The following PRKN variants were observed in gnomAD, a reference collection of about 807,000 sequenced individuals.
PRKN encodes parkin RBR E3 ubiquitin protein ligase.
Under a neutral mutation model 59.5 loss-of-function variants are expected in PRKN, and 56 were observed. The observed-to-expected ratio is 0.94, with a 90% CI of 0.76 to 1.18. PRKN has a LOEUF of 1.18. Ranked by LOEUF, PRKN falls within the 50% of genes most tolerant of loss-of-function variation. The pLI is 0.00. For missense variants in PRKN, 657 were observed against 596.4 expected (o/e 1.10, Z -1.06); for synonymous variants, 250 against 222.1 (o/e 1.13, Z -1.12).
At chr6:161,652,660 T>C (rs1269140200) in intron 7 of PRKN, among the ~76,000 whole-genome samples, 2 of 152,182 alleles carry the variant, frequency 1.3e-5, no homozygotes, top group Non-Finnish European at 2.9e-5. Flanking sequence ...AAATAACTTA[T>C]GTATGTAGAT....
At chr6:162,293,711 G>A (rs1460660762) in intron 2 of PRKN, among the ~76,000 whole-genome samples, 3 of 152,190 alleles carry the variant, frequency 2.0e-5, no homozygotes, top group Middle Eastern at 6.3e-3. Flanking sequence ...GAATACAGTG[G>A]GTGGACCTGT....
At chr6:162,039,456 T>C (rs1461920117) in intron 5 of PRKN, among the ~76,000 whole-genome samples, 2 of 152,166 alleles carry the variant, frequency 1.3e-5, no homozygotes. Flanking sequence ...GAATGACTTC[T>C]CATTGTTGGT....
chr6:161,479,329 G>A (rs1791276719), intron 9 of PRKN, among the ~76,000 whole-genome samples: 1 of 152,144 alleles, frequency 6.6e-6, no homozygotes, highest in African/African-American at 2.4e-5. Flanking sequence ...TCAAGTGTGG[G>A]TATGTATCCT....
Position 161,547,175 on chromosome 6 carries a change from C to T in PRKN, c.1083+1679G>A, listed in dbSNP as rs1583213856. 6.6e-6 allele frequency among the ~76,000 whole-genome samples: 1 copy of T among 152,132 alleles called. No homozygotes were observed. The highest frequency in any genetic ancestry group is 1.5e-5 in the Non-Finnish European group (1 of 68,006). On this transcript the variant is annotated intron_variant, in intron 9 of 11. Coordinates refer to ENST00000366898, the MANE Select transcript of PRKN (RefSeq NM_004562.3). This position sits in a 1 kb window ranked among gnomAD's most constrained non-coding sequence, Gnocchi z 4.0. The stretch of plus-strand genomic sequence containing the variant: ...GATAACTAATACACAAACCAACAAA[C>T]ACACCTCCAAAACCAACAAATCGAA...
chr6:162,358,911 T>C (rs761867314), intron 2 of PRKN, among the ~76,000 whole-genome samples: 1 of 151,388 alleles, frequency 6.6e-6, no homozygotes, highest in Non-Finnish European at 1.5e-5. Flanking sequence ...AATAAAAAAA[T>C]TAGCTGGGTG....
chr6:162,205,617 C>G (rs117939297), intron 3 of PRKN, among the ~76,000 whole-genome samples: 1 of 152,074 alleles, frequency 6.6e-6, no homozygotes, highest in East Asian at 1.9e-4. Flanking sequence ...AGGAACAGGA[C>G]GGATTTTAAG....
At chr6:162,389,328 C>T (rs934700520) in intron 2 of PRKN, among the ~76,000 whole-genome samples, 3 of 152,024 alleles carry the variant, frequency 2.0e-5, no homozygotes, top group Admixed American at 2.0e-4. Context: ...GCAAAGCTAC[C>T]TTCTTCCCTA....
intron 9 of PRKN, among the ~76,000 whole-genome samples, chr6:161,453,492 G>A (rs980299863): frequency 2.6e-5 from 4 of 152,138 alleles, no homozygotes; most frequent in African/African-American, 9.7e-5. Flanking sequence ...TACAATCAGT[G>A]GGATTGCCCT....
intron 2 of PRKN, among the ~76,000 whole-genome samples, chr6:162,302,421 G>T (rs1206962166): frequency 6.6e-6 from 1 of 152,104 alleles, no homozygotes; most frequent in African/African-American, 2.4e-5. Flanking sequence ...AGCTCATCCT[G>T]GTGAAGGAGA....
rs1334799148 is a variant in PRKN, at chr6:161,471,956, G to A, written c.1083+76898C>T. ...TGTTTAATTTCAATACCAACTTTGG[G>A]AGACATTAAAAAAAAATACTGAAGC... On this transcript the variant is annotated intron_variant, in intron 9 of 11. Coordinates refer to ENST00000366898, the MANE Select transcript of PRKN (RefSeq NM_004562.3). The surrounding 1 kb of genome is among the most constrained non-coding windows in gnomAD (Gnocchi z 4.5). Among the ~76,000 whole-genome samples the A allele has an allele frequency of 1.3e-5, 2 of 151,914 alleles. No individual in the cohort carries two copies. Among genetic ancestry groups the A allele is most frequent in the African/African-American group, 2.4e-5 (1 of 41,350 alleles).
intron 6 of PRKN, among the ~76,000 whole-genome samples, chr6:161,972,080 C>T (rs981810493): frequency 6.6e-6 from 1 of 152,062 alleles, no homozygotes; most frequent in African/African-American, 2.4e-5. Flanking sequence ...TCGAGACCAG[C>T]CTGACCAATA....
intron 1 of PRKN, among the ~76,000 whole-genome samples, chr6:162,571,771 G>T (rs1353743437): frequency 1.3e-5 from 2 of 152,124 alleles, no homozygotes; most frequent in Non-Finnish European, 2.9e-5. Flanking sequence ...GCTCAACGAG[G>T]AAAGAGCCCA....
At chr6:162,460,148 GT>G (rs1460339265) in intron 1 of PRKN, among the ~76,000 whole-genome samples, 2 of 152,208 alleles carry the variant, frequency 1.3e-5, no homozygotes, top group African/African-American at 4.8e-5. Context: ...ATATATGCAT[GT>G]GTTTGTTGTA....
intron 4 of PRKN, among the ~76,000 whole-genome samples, chr6:162,070,903 C>T (rs954887423): frequency 7.2e-5 from 11 of 152,080 alleles, no homozygotes; most frequent in Middle Eastern, 3.4e-3. Flanking sequence ...GCTTGGGCAC[C>T]GCTGCCCTAG....
chr6:161,658,470 A>G (rs1257216788), intron 7 of PRKN, among the ~76,000 whole-genome samples: 4 of 152,264 alleles, frequency 2.6e-5, no homozygotes, highest in African/African-American at 9.6e-5. Flanking sequence ...CAGTGGAAAC[A>G]TGTTTCTAAC....
In PRKN at chr6:162,240,570, GA is replaced by G. The variant is rs142704322; in HGVS notation, c.412+21954del. The stretch of plus-strand genomic sequence containing the variant: ...GGGAGAAGCATATTTAATAAATATA[GA>G]AATATTAATTGTAGGAAGTAACAAT... On this transcript the variant is annotated intron_variant, in intron 3 of 11. Transcript: ENST00000366898. 7.6e-3 allele frequency among the ~76,000 whole-genome samples: 1,151 copies of G among 152,268 alleles called. 13 individuals carry two copies. The highest frequency in any genetic ancestry group is 0.026 in the African/African-American group (1,081 of 41,564).
intron 7 of PRKN, among the ~76,000 whole-genome samples, chr6:161,612,312 T>C (rs78804346): frequency 7.0e-4 from 107 of 152,376 alleles, no homozygotes; most frequent in Non-Finnish European, 1.3e-3. Context: ...AGTCAATGAC[T>C]GGCTTCAAAG....
chr6:161,800,623 G>A (rs1791038244), intron 6 of PRKN, among the ~76,000 whole-genome samples: 1 of 152,244 alleles, frequency 6.6e-6, no homozygotes, highest in South Asian at 2.1e-4. Context: ...TGCTCCCACT[G>A]ATGACCTGTT....
intron 3 of PRKN, among the ~76,000 whole-genome samples, chr6:162,255,303 G>C (rs1401992601): frequency 3.7e-4 from 57 of 152,068 alleles, no homozygotes; most frequent in Admixed American, 3.7e-3. Flanking sequence ...AAAGCAAAGG[G>C]ATAACTGAAA....
Sources: gnomAD v4.1 joint callset for allele counts (sites outside exome capture counted in the v4.1 genomes callset) on GRCh38, gnomAD v4.1.1 for gene constraint, Gnocchi (gnomAD v3.1) non-coding constraint, MANE v1.5 for transcripts, NCBI Gene and HGNC (gene_info 2026-07-23, HGNC 2026-07-21) for gene names.